The following ZMYM5 variants were observed in gnomAD, a reference collection of about 807,000 sequenced individuals.
ZMYM5 encodes the protein zinc finger MYM-type containing 5, also known as zinc finger MYM-type protein 5.
Under a neutral mutation model 61.8 loss-of-function variants are expected in ZMYM5, and 41 were observed. That is an observed-to-expected ratio of 0.66 (90% CI 0.52 to 0.86). ZMYM5 has a LOEUF of 0.86. Ranked by LOEUF, ZMYM5 falls within the 40% of genes least tolerant of loss-of-function variation. The pLI, the probability that ZMYM5 is intolerant of heterozygous loss-of-function variation, is 0.00. For missense variants in ZMYM5, 706 were observed against 786.7 expected (o/e 0.90, Z 1.23); for synonymous variants, 257 against 276.4 (o/e 0.93, Z 0.70).
At chr13:19,836,441 C>T (rs11843567) in intron 6 of ZMYM5, among the ~76,000 whole-genome samples, 14,921 of 151,920 alleles carry the variant, frequency 0.098, 852 homozygotes, top group African/African-American at 0.16. Flanking sequence ...GGAAATGGGT[C>T]AACAATCTTT....
Position 19,838,798 on chromosome 13 carries a change from A to G in ZMYM5, c.774T>C (p.Tyr258=). 6.2e-7 allele frequency: 1 copy of G among 1,614,182 alleles called. No homozygotes were observed. Among genetic ancestry groups the G allele is most frequent in the African/African-American group, 1.3e-5 (1 of 75,056 alleles). Residue 258 remains tyrosine, a synonymous_variant, in exon 5 of 8, where the codon TAT becomes TAC. Coordinates refer to ENST00000337963, the MANE Select transcript of ZMYM5 (RefSeq NM_001142684.2). ...KKPLQKGQTA[Y]QRKGSAHLFC... is the part of the protein sequence containing the mutation. Reference sequence around the variant, plus strand: ...AGAGGTGAGCTGATCCTTTTCGTTGATAAGCTGTCTGTCCCTTCTGTAAAG... The same window carrying G: ...AGAGGTGAGCTGATCCTTTTCGTTGGTAAGCTGTCTGTCCCTTCTGTAAAG...
chr13:19,858,326 T>G (rs1305229906), intron 2 of ZMYM5, among the ~76,000 whole-genome samples: 1 of 152,036 alleles, frequency 6.6e-6, no homozygotes, highest in Admixed American at 6.6e-5. Context: ...ATAATGCCCC[T>G]GTAATCCCAG....
chr13:19,824,396 A>G lies in ZMYM5; in HGVS notation c.*81T>C. The G allele has an allele frequency of 2.5e-6, 3 of 1,193,192 alleles. No individual in the cohort carries two copies. Among genetic ancestry groups the G allele is most frequent in the Non-Finnish European group, 3.2e-6 (3 of 941,540 alleles). The allele number at this position is 1,193,192 out of a possible 1,614,324, so 73.9% of individuals were successfully genotyped here. A position where few individuals can be genotyped will look rare whatever the true frequency, so the allele number is the denominator to read the frequency against. On this transcript the variant is annotated 3_prime_UTR_variant, in exon 8 of 8. Coordinates refer to ENST00000337963, the MANE Select transcript of ZMYM5 (RefSeq NM_001142684.2). Reference sequence around the variant, plus strand: ...CTCTGTAGAGGAGACTTACAACACAATAGTACTGACTATTGCAGGACAGAT... The same window carrying G: ...CTCTGTAGAGGAGACTTACAACACAGTAGTACTGACTATTGCAGGACAGAT...
At chr13:19,839,463 A>G (rs1437885439) in intron 4 of ZMYM5, among the ~76,000 whole-genome samples, 1 of 151,948 alleles carries the variant, frequency 6.6e-6, no homozygotes, top group Non-Finnish European at 1.5e-5. Context: ...ATCTCGGTTC[A>G]CTGCTACCTC....
At chr13:19,830,753 T>C (rs573081404) in intron 7 of ZMYM5, among the ~76,000 whole-genome samples, 2 of 152,096 alleles carry the variant, frequency 1.3e-5, no homozygotes, top group South Asian at 2.1e-4. Flanking sequence ...CTCAAACTCC[T>C]GAGCTCAAGC....
rs113017555 is a variant in ZMYM5 at position 19,851,802 on chromosome 13, T to C, written c.379A>G (p.Thr127Ala). Residue 127 changes from threonine (T) to alanine (A), a missense_variant, in exon 3 of 8, where the codon ACA becomes GCA. Thr to Ala is a moderately conservative substitution (Grantham distance 58). Coordinates refer to ENST00000337963, the MANE Select transcript of ZMYM5 (RefSeq NM_001142684.2). ...IVIDDEEDIE[T>A]NGGAEKKSSC... is the part of the protein sequence containing the mutation. ...GACTTTTTCTCTGCTCCTCCATTTG[T>C]TTCTATGTCCTCTTCATCATCAATA... 2.5e-6 allele frequency: 4 copies of C among 1,612,322 alleles called. No individual in the cohort carries two copies. The highest frequency in any genetic ancestry group is 2.7e-5 in the African/African-American group (2 of 74,922).
rs571465317 is a variant in ZMYM5 at position 19,851,634 on chromosome 13, T to C, written c.492+55A>G. 1.9e-4 allele frequency: 300 copies of C among 1,547,742 alleles called. 1 individual carries two copies. Among genetic ancestry groups the C allele is most frequent in the Non-Finnish European group, 2.4e-4 (281 of 1,152,462 alleles). ...TCTAAGGTTGTAACATTAGTAATAA[T>C]GTATTTCAGAGTCAATTCTGTAGTG... On this transcript the variant is annotated intron_variant, in intron 3 of 7. Transcript: ENST00000337963.
intron 2 of ZMYM5, among the ~76,000 whole-genome samples, chr13:19,855,557 C>T (rs1184340233): frequency 2.6e-5 from 4 of 151,912 alleles, no homozygotes; most frequent in East Asian, 2.0e-4. Context: ...CCACCGCGCC[C>T]GGCCCACAGT....
chr13:19,854,479 G>A (rs1012139087), intron 2 of ZMYM5, among the ~76,000 whole-genome samples: 8 of 152,084 alleles, frequency 5.3e-5, no homozygotes, highest in African/African-American at 1.4e-4. Context: ...ACAAAAATTA[G>A]TCAGTCGTGG....
intron 4 of ZMYM5, among the ~76,000 whole-genome samples, chr13:19,843,168 G>A (rs1457868757): frequency 6.1e-5 from 9 of 148,384 alleles, no homozygotes; most frequent in Non-Finnish European, 1.0e-4. Flanking sequence ...CTCCGTCACC[G>A]AGGCTGGAGT....
At chr13:19,855,508 C>T (rs969504388) in intron 2 of ZMYM5, among the ~76,000 whole-genome samples, 3 of 151,456 alleles carry the variant, frequency 2.0e-5, no homozygotes, top group African/African-American at 4.8e-5. Flanking sequence ...GTGATCCACC[C>T]GCCTGGGCCT....
rs749266505 is a variant in ZMYM5, at chr13:19,852,207, G to GA, written c.-10-18dup. The GA allele has an allele frequency of 1.2e-3, 1,644 of 1,409,486 alleles. No individual in the cohort carries two copies. The highest frequency in any genetic ancestry group is 4.7e-3 in the South Asian group (305 of 64,830). 87.3% of individuals were successfully genotyped at this position (1,409,486 alleles called of 1,614,324 possible). On this transcript the variant is annotated splice_polypyrimidine_tract_variant and intron_variant, in intron 2 of 7. Transcript: ENST00000337963. Reference sequence around the variant, plus strand: ...CCAATGAACCTGTAGAGACAGAAAAGAAAAAAAAAAGTTCTAGTATGTTAT... The same window carrying GA: ...CCAATGAACCTGTAGAGACAGAAAAGAAAAAAAAAAAGTTCTAGTATGTTAT...
chr13:19,839,242 T>G (rs1266545476), intron 4 of ZMYM5, among the ~76,000 whole-genome samples: 4 of 149,786 alleles, frequency 2.7e-5, no homozygotes, highest in Non-Finnish European at 4.4e-5. Context: ...AGCCATCGGC[T>G]CTTAAGTCAG....
chr13:19,853,741 G>A (rs554392671), intron 2 of ZMYM5, among the ~76,000 whole-genome samples: 3 of 150,942 alleles, frequency 2.0e-5, no homozygotes, highest in Non-Finnish European at 4.4e-5. Context: ...AGCATGCCTG[G>A]CTACTATTTT....
At chr13:19,829,467 T>G (rs1281542664) in intron 7 of ZMYM5, among the ~76,000 whole-genome samples, 1 of 152,062 alleles carries the variant, frequency 6.6e-6, no homozygotes, top group African/African-American at 2.4e-5. Flanking sequence ...TTTAAGTTTT[T>G]TTTGTAGAGA....
At chr13:19,835,825 G>T (rs967158976) in intron 6 of ZMYM5, 136 bp from the exon 7 acceptor site, 2 of 583,670 alleles carry the variant, frequency 3.4e-6, no homozygotes, top group African/African-American at 2.0e-5. Flanking sequence ...CCAGGGAAAA[G>T]ATTTTTTTTT....
rs556194106 is a variant in ZMYM5, at chr13:19,824,915, C to T, written c.1572G>A (p.Thr524=). 6 of 1,361,364 alleles carry T rather than the reference C, an allele frequency of 4.4e-6. No homozygotes were observed. The highest frequency in any genetic ancestry group is 3.9e-5 in the Admixed American group (2 of 51,384). The allele number at this position is 1,361,364 out of a possible 1,614,324, so 84.3% of individuals were successfully genotyped here. ...GTTTAATATTCAAAATTCGGGGCCA[C>T]GTACCTGGATCTGCGGAAAGCACAA... ...VPVVLSADPG[T]WPRILNIKQR... The change falls in exon 8 of 8, where the codon ACG becomes ACA. Residue 524 remains threonine, a synonymous_variant. Transcript: ENST00000337963.
At chr13:19,860,472 ATTT>A (rs746530825) in intron 2 of ZMYM5, among the ~76,000 whole-genome samples, 1 of 118,186 alleles carries the variant, frequency 8.5e-6, no homozygotes, top group Non-Finnish European at 1.8e-5. Context: ...GTGTGTGTGT[ATTT>A]TTTTTTTTGT....
chr13:19,852,874 G>T (rs1208087598), intron 2 of ZMYM5, among the ~76,000 whole-genome samples: 2 of 152,132 alleles, frequency 1.3e-5, no homozygotes, highest in African/African-American at 4.8e-5. Flanking sequence ...TTGAGAGAGG[G>T]TCTGGCTCTG....
Sources: gnomAD v4.1 joint callset for allele counts (sites outside exome capture counted in the v4.1 genomes callset) on GRCh38, gnomAD v4.1.1 for gene constraint, MANE v1.5 for transcripts, NCBI Gene and HGNC (gene_info 2026-07-23, HGNC 2026-07-21) for gene names.